MUCL3: variants seen among roughly 807,000 people sequenced by gnomAD.
MUCL3 encodes the protein mucin like 3.
In MUCL3, 42 loss-of-function variants were observed where a neutral mutation model predicts 70.2. That is an observed-to-expected ratio of 0.60 (90% CI 0.47 to 0.77). The LOEUF (loss-of-function observed/expected upper bound fraction) is 0.77. Ranked by LOEUF, MUCL3 falls within the 30% of genes least tolerant of loss-of-function variation. MUCL3 has a pLI of 0.00. For missense variants in MUCL3, 1,429 were observed against 1,670.0 expected (o/e 0.86, Z 2.52); for synonymous variants, 522 against 647.0 (o/e 0.81, Z 2.93).
rs143447272 is a variant in MUCL3, at chr6:30,946,709, C to A, written c.83-1838C>A. Among the ~76,000 whole-genome samples, 406 of 152,314 alleles carry A rather than the reference C, an allele frequency of 2.7e-3. 10 individuals carry two copies. The highest frequency in any genetic ancestry group is 0.023 in the Admixed American group (354 of 15,302). On this transcript the variant is annotated intron_variant, in intron 1 of 2. Coordinates refer to ENST00000462446, the MANE Select transcript of MUCL3 (RefSeq NM_080870.4). ...GTCTTTCCTTCTTTAAAAGACTGGGCTGACCTATTGGCTGTGCACTGTGGT... is the reference window on the plus strand; with the variant it reads ...GTCTTTCCTTCTTTAAAAGACTGGGATGACCTATTGGCTGTGCACTGTGGT...
At chr6:30,942,587 T>A (rs917520280) in intron 1 of MUCL3, among the ~76,000 whole-genome samples, 2 of 152,086 alleles carry the variant, frequency 1.3e-5, no homozygotes, top group African/African-American at 4.8e-5. Flanking sequence ...CAGCAGTGCG[T>A]CCTGTCTGTG....
At position 30,952,227 on chromosome 6, in the gene MUCL3, A is replaced by G. The variant is rs1215328532; in HGVS notation, c.3763A>G (p.Thr1255Ala). 6.2e-7 allele frequency: 1 copy of G among 1,614,180 alleles called. No individual in the cohort carries two copies. The highest frequency in any genetic ancestry group is 2.2e-5 in the East Asian group (1 of 44,890). ...SVKVTGDKSL[T>A]TTSSHLNKTE... ...CAAGGTCACAGGAGACAAATCTCTC[A>G]CTACTACCTCTTCTCATCTAAATAA... Residue 1255 changes from threonine (T) to alanine (A), a missense_variant, in exon 2 of 3, where the codon ACT (threonine) becomes GCT (alanine). Coordinates refer to ENST00000462446, the MANE Select transcript of MUCL3 (RefSeq NM_080870.4).
chr6:30,953,090 C>G lies in MUCL3; in HGVS notation c.4155C>G (p.Gly1385=), dbSNP rs1213823699. The change falls in exon 3 of 3, where the codon GGC becomes GGG. Residue 1385 remains glycine, a synonymous_variant. Coordinates refer to ENST00000462446, the MANE Select transcript of MUCL3 (RefSeq NM_080870.4). ...ACCTGATGGAGCAGCAGAATCTTGG[C>G]ATGGGCCAGATCCCTTCCCCACGGT... ...PVYLMEQQNL[G]MGQIPSPR 1 of 1,614,238 alleles carries G rather than the reference C, an allele frequency of 6.2e-7. No individual in the cohort carries two copies. Among genetic ancestry groups the G allele is most frequent in the East Asian group, 2.2e-5 (1 of 44,880 alleles).
chr6:30,943,523 T>C (rs1355438686), intron 1 of MUCL3, among the ~76,000 whole-genome samples: 1 of 150,806 alleles, frequency 6.6e-6, no homozygotes, highest in Non-Finnish European at 1.5e-5. Context: ...TTAAATCATC[T>C]GAGGGAGGCT....
rs757981152 is a variant in MUCL3, at chr6:30,949,300, C to T, written c.836C>T (p.Thr279Ile). The change falls in exon 2 of 3, where the codon ACA becomes ATA. Residue 279 changes from threonine to isoleucine, a missense_variant. By Grantham distance (89) the Thr-to-Ile change is moderately conservative. Transcript: ENST00000462446. ...IQETISANEL[T>I]QSLAEPTEHG... ...GAGACCATATCAGCCAATGAGCTCA[C>T]ACAATCTCTAGCAGAGCCTACAGAA... 6.4e-7 allele frequency: 1 copy of T among 1,551,744 alleles called. No individual in the cohort carries two copies. Among genetic ancestry groups the T allele is most frequent in the South Asian group, 1.2e-5 (1 of 84,064 alleles).
Position 30,951,324 on chromosome 6 carries a change from G to T in MUCL3, c.2860G>T (p.Ala954Ser). ...TGGAGAAAGGATAGCCAATGAGAAG[G>T]CCACACCATCCCCAGCAAAGCCTAC... ...EHGERIANEK[A>S]TPSPAKPTEH... is the part of the protein sequence containing the mutation. The change falls in exon 2 of 3, where the codon GCC becomes TCC. Residue 954 changes from alanine to serine, a missense_variant. Transcript: ENST00000462446. 2.6e-6 allele frequency: 4 copies of T among 1,518,896 alleles called. No homozygotes were observed. Among genetic ancestry groups the T allele is most frequent in the Non-Finnish European group, 3.5e-6 (4 of 1,134,412 alleles). 94.1% of individuals were successfully genotyped at this position (1,518,896 alleles called of 1,614,324 possible).
chr6:30,951,920 C>T lies in MUCL3; in HGVS notation c.3456C>T (p.Thr1152=), dbSNP rs1760727227. Reference sequence around the variant, plus strand: ...AGCCTATAAAACATGCAAAAAGGACCACATTGGCCCATGAGAAGATGACAC... The same window carrying T: ...AGCCTATAAAACATGCAAAAAGGACTACATTGGCCCATGAGAAGATGACAC... ...PAEPIKHAKR[T]TLAHEKMTQV... Residue 1152 remains threonine, a synonymous_variant, in exon 2 of 3, where the codon ACC becomes ACT. Coordinates refer to ENST00000462446, the MANE Select transcript of MUCL3 (RefSeq NM_080870.4). The T allele has an allele frequency of 6.2e-7, 1 of 1,613,282 alleles. No homozygotes were observed. Among genetic ancestry groups the T allele is most frequent in the Non-Finnish European group, 8.5e-7 (1 of 1,179,810 alleles).
chr6:30,949,277 G>T lies in MUCL3; in HGVS notation c.813G>T (p.Glu271Asp). The T allele has an allele frequency of 6.4e-7, 1 of 1,551,312 alleles. No homozygotes were observed. Among genetic ancestry groups the T allele is most frequent in the Non-Finnish European group, 8.7e-7 (1 of 1,146,950 alleles). ...LLTKTTKNIQ[E>D]TISANELTQS... ...CAAAAACTACAAAAAACATACAAGA[G>T]ACCATATCAGCCAATGAGCTCACAC... Residue 271 changes from glutamate to aspartate, a missense_variant, in exon 2 of 3, where the codon GAG becomes GAT. Transcript: ENST00000462446.
chr6:30,942,753 C>T (rs752603024), intron 1 of MUCL3, among the ~76,000 whole-genome samples: 35 of 152,314 alleles, frequency 2.3e-4, no homozygotes, highest in African/African-American at 7.7e-4. Context: ...CATCTTGCAG[C>T]TTAAGGAAGA....
rs754506455 is a variant in MUCL3 at position 30,952,992 on chromosome 6, C to T, written c.4057C>T (p.Arg1353Cys). 2.7e-5 allele frequency: 43 copies of T among 1,614,082 alleles called. No homozygotes were observed. The highest frequency in any genetic ancestry group is 3.3e-5 in the Non-Finnish European group (39 of 1,180,030). ...IFLVSYMMRT[R>C]RTLTQNTQYN... ...ACAGGTCTCCTATATGATGCGGACACGCCGCACACTAACCCAGAACACCCA... is the reference window on the plus strand; with the variant it reads ...ACAGGTCTCCTATATGATGCGGACATGCCGCACACTAACCCAGAACACCCA... Residue 1353 changes from arginine to cysteine, a missense_variant, in exon 3 of 3, where the codon CGC (arginine) becomes TGC (cysteine). Physicochemically the swap from Arg to Cys is radical, Grantham distance 180 (BLOSUM62 -3). Transcript: ENST00000462446.
chr6:30,941,211 C>T, intron 1 of MUCL3, 130 bp downstream of exon 1: 1 of 1,159,176 alleles, frequency 8.6e-7, no homozygotes, highest in Non-Finnish European at 1.2e-6. Context: ...CTAGAGTGTT[C>T]TCTGCTCAAG....
intron 1 of MUCL3, among the ~76,000 whole-genome samples, chr6:30,943,745 A>G (rs190919192): frequency 1.2e-4 from 19 of 152,368 alleles, no homozygotes; most frequent in African/African-American, 4.6e-4. Context: ...AACACAAATA[A>G]TGTATGCTCA....
At position 30,950,977 on chromosome 6, in the gene MUCL3, C is replaced by T. The variant is rs1212175569; in HGVS notation, c.2513C>T (p.Pro838Leu). The T allele has an allele frequency of 1.4e-5, 21 of 1,550,140 alleles. No homozygotes were observed. The highest frequency in any genetic ancestry group is 1.7e-5 in the Non-Finnish European group (20 of 1,146,760). The change falls in exon 2 of 3, where the codon CCA (proline) becomes CTA (leucine). Residue 838 changes from proline to leucine, a missense_variant. Physicochemically the swap from Pro to Leu is moderately conservative, Grantham distance 98 (BLOSUM62 -3). Coordinates refer to ENST00000462446, the MANE Select transcript of MUCL3 (RefSeq NM_080870.4). ...RTANEKTTQF[P>L]AEPTENREST... Reference sequence around the variant, plus strand: ...GCCAATGAGAAGACCACACAATTCCCAGCAGAGCCTACAGAAAATAGAGAA... The same window carrying T: ...GCCAATGAGAAGACCACACAATTCCTAGCAGAGCCTACAGAAAATAGAGAA...
chr6:30,949,118 C>A lies in MUCL3; in HGVS notation c.654C>A (p.Thr218=). Residue 218 remains threonine, a synonymous_variant, in exon 2 of 3, where the codon ACC becomes ACA. Transcript: ENST00000462446. ...TCCACAACTCAGGCAATTCACAGAC[C>A]AAGCAAAAAAGCACATCTTTTCCAG... ...TSFHNSGNSQ[T]KQKSTSFPEK... is the part of the protein sequence containing the mutation. 2 of 1,550,586 alleles carry A rather than the reference C, an allele frequency of 1.3e-6. No individual in the cohort carries two copies. Among genetic ancestry groups the A allele is most frequent in the Non-Finnish European group, 1.7e-6 (2 of 1,146,714 alleles).
At position 30,949,832 on chromosome 6, in the gene MUCL3, C is replaced by G; in HGVS notation, c.1368C>G (p.Ser456=). Residue 456 remains serine (S), a synonymous_variant, in exon 2 of 3, where the codon TCC becomes TCG. Transcript: ENST00000462446. ...ERTANENTTP[S]PAGPTENRET... The stretch of plus-strand genomic sequence containing the variant: ...CAGCCAATGAGAACACCACACCATC[C>G]CCAGCAGGGCCTACAGAAAACAGAG... 3 of 1,549,438 alleles carry G rather than the reference C, an allele frequency of 1.9e-6. No homozygotes were observed. Among genetic ancestry groups the G allele is most frequent in the Non-Finnish European group, 2.6e-6 (3 of 1,146,374 alleles).
chr6:30,952,515 G>GC lies in MUCL3; in HGVS notation c.4035+20dup. ...GATCTTCTTGGTAAGGGACAGATGT[G>GC]CCCCACAGAAATCAACCTATGGGAT... On this transcript the variant is annotated intron_variant, in intron 2 of 2. Coordinates refer to ENST00000462446, the MANE Select transcript of MUCL3 (RefSeq NM_080870.4). 6.4e-7 allele frequency: 1 copy of GC among 1,568,868 alleles called. No individual in the cohort carries two copies. The highest frequency in any genetic ancestry group is 8.6e-7 in the Non-Finnish European group (1 of 1,160,598).
In MUCL3 at chr6:30,952,966, C is replaced by A; in HGVS notation, c.4036-5C>A. ...CTCATTCCTCCTTTCTCATCCCAAT[C>A]ACAGGTCTCCTATATGATGCGGACA... is the stretch of plus-strand genomic sequence containing the variant. On this transcript the variant is annotated splice_region_variant and splice_polypyrimidine_tract_variant and intron_variant, in intron 2 of 2. Transcript: ENST00000462446. 2 of 1,613,588 alleles carry A rather than the reference C, an allele frequency of 1.2e-6. No individual in the cohort carries two copies. The highest frequency in any genetic ancestry group is 1.7e-6 in the Non-Finnish European group (2 of 1,179,778).
chr6:30,946,866 T>G (rs1233458705), intron 1 of MUCL3, among the ~76,000 whole-genome samples: 1 of 152,204 alleles, frequency 6.6e-6, no homozygotes, highest in Non-Finnish European at 1.5e-5. Flanking sequence ...CTATAAAGTT[T>G]GGAGAATAGG....
Position 30,951,121 on chromosome 6 carries a change from C to T in MUCL3, c.2657C>T (p.Thr886Ile). 2 of 1,550,324 alleles carry T rather than the reference C, an allele frequency of 1.3e-6. No individual in the cohort carries two copies. Among genetic ancestry groups the T allele is most frequent in the Non-Finnish European group, 8.7e-7 (1 of 1,146,788 alleles). ...GAGCCTACAGAACATGAAGAAATGACCCCATTGGCCAATGAGAAGACCACA... is the reference window on the plus strand; with the variant it reads ...GAGCCTACAGAACATGAAGAAATGATCCCATTGGCCAATGAGAAGACCACA... ...PAEPTEHEEM[T>I]PLANEKTTLS... Residue 886 changes from threonine to isoleucine, a missense_variant, in exon 2 of 3, where the codon ACC (threonine) becomes ATC (isoleucine). Transcript: ENST00000462446.
Sources: gnomAD v4.1 joint callset for allele counts (sites outside exome capture counted in the v4.1 genomes callset) on GRCh38, gnomAD v4.1.1 for gene constraint, MANE v1.5 for transcripts, NCBI Gene and HGNC (gene_info 2026-07-23, HGNC 2026-07-21) for gene names.